GALNT16: variants seen among roughly 807,000 people sequenced by gnomAD.
GALNT16 encodes the protein polypeptide N-acetylgalactosaminyltransferase 16, also known as UDP-GalNAc:polypeptide N-acetylgalactosaminyltransferase-like protein 1.
Under a neutral mutation model 76.1 loss-of-function variants are expected in GALNT16, and 40 were observed. The ratio of observed to expected loss-of-function variants is 0.53; its 90% CI spans 0.41 to 0.68. The LOEUF (loss-of-function observed/expected upper bound fraction) is 0.68, where lower values mean the gene tolerates loss of function less well. Ranked by LOEUF, GALNT16 falls within the 30% of genes least tolerant of loss-of-function variation. The pLI, the probability that GALNT16 is intolerant of heterozygous loss-of-function variation, is 0.00. For missense variants in GALNT16, 621 were observed against 731.9 expected, an observed-to-expected ratio of 0.85 and a Z score of 1.75; for synonymous variants, 276 against 285.2, an observed-to-expected ratio of 0.97 and a Z score of 0.32.
chr14:69,346,934 G>A (rs903978930), intron 12 of GALNT16, 106 bp from the exon 13 acceptor site: 20 of 1,403,368 alleles, frequency 1.4e-5, no homozygotes, highest in Admixed American at 6.8e-5. Context: ...CCCTTCCCAC[G>A]GAGACCTCGG....
At chr14:69,271,314 A>G (rs1458261217) in intron 1 of GALNT16, among the ~76,000 whole-genome samples, 1 of 152,098 alleles carries the variant, frequency 6.6e-6, no homozygotes. Context: ...CTAGCTCAAG[A>G]CCTATGGAAC....
At chr14:69,355,472 A>G (rs529122277), downstream of GALNT16, 2 of 150,600 alleles carry the variant, frequency 1.3e-5, no homozygotes, top group African/African-American at 4.9e-5. Context: ...CTCTCCATCT[A>G]TTTTCACCCT....
At chr14:69,292,320 T>C (rs1465218194) in intron 1 of GALNT16, among the ~76,000 whole-genome samples, 2 of 152,214 alleles carry the variant, frequency 1.3e-5, no homozygotes, top group African/African-American at 4.8e-5. Context: ...GACCACATCT[T>C]TGTTTCCCAT....
chr14:69,326,818 T>C (rs759652489), intron 5 of GALNT16, among the ~76,000 whole-genome samples: 5 of 152,176 alleles, frequency 3.3e-5, no homozygotes, highest in Non-Finnish European at 5.9e-5. Context: ...ACAAGGGAAC[T>C]GGGGTTTAAG....
chr14:69,306,396 A>G (rs1037688887), intron 1 of GALNT16, among the ~76,000 whole-genome samples: 16 of 152,016 alleles, frequency 1.1e-4, no homozygotes, highest in Admixed American at 9.8e-4. Context: ...TTTACTTTTG[A>G]TCATACTGTT....
the GALNT16 span, among the ~76,000 whole-genome samples, chr14:69,366,844 C>T: frequency 6.6e-6 from 1 of 152,174 alleles, no homozygotes; most frequent in South Asian, 2.1e-4. Context: ...ATATGTAGTT[C>T]ACTCTTCAAA....
In GALNT16 at chr14:69,283,150, G is replaced by A. The variant is rs951587954; in HGVS notation, c.177+22683G>A. ...AAGTGATCTCACCTTTCTCAGACTCGGTTTCTTCATCAATAAAATGAGCAT... is the reference window on the plus strand; with the variant it reads ...AAGTGATCTCACCTTTCTCAGACTCAGTTTCTTCATCAATAAAATGAGCAT... On this transcript the variant is annotated intron_variant, in intron 1 of 14. Transcript: ENST00000448469. Among the ~76,000 whole-genome samples the A allele has an allele frequency of 3.9e-5, 6 of 152,088 alleles. No individual in the cohort carries two copies. In the South Asian group the frequency reaches 6.2e-4, roughly 16 times the overall value.
At chr14:69,309,508 T>C (rs2140149083) in intron 1 of GALNT16, among the ~76,000 whole-genome samples, 1 of 152,204 alleles carries the variant, frequency 6.6e-6, no homozygotes, top group East Asian at 1.9e-4. Context: ...GATGAGGTCT[T>C]GCTGTGTTGC....
intron 1 of GALNT16, among the ~76,000 whole-genome samples, chr14:69,292,721 C>T (rs2044702817): frequency 6.6e-6 from 1 of 152,232 alleles, no homozygotes; most frequent in African/African-American, 2.4e-5. Context: ...TAAAGCACCT[C>T]ATCTTTTTCT....
chr14:69,382,669 C>CA, the GALNT16 span, among the ~76,000 whole-genome samples: 6,342 of 139,354 alleles, frequency 0.046, 450 homozygotes, highest in African/African-American at 0.16. Context: ...CCGTCTCCAC[C>CA]AAAAAAAAAA....
chr14:69,340,487 T>A (rs1594864122), intron 11 of GALNT16, among the ~76,000 whole-genome samples: 1 of 36,578 alleles, frequency 2.7e-5, no homozygotes, highest in South Asian at 5.1e-4. Context: ...CCTTGTGGAA[T>A]TTTTTTTTTT....
chr14:69,277,575 A>G (rs1465980808), intron 1 of GALNT16, among the ~76,000 whole-genome samples: 4 of 152,228 alleles, frequency 2.6e-5, no homozygotes, highest in Non-Finnish European at 5.9e-5. Context: ...ATGGCTGCAT[A>G]GTATTCCATG....
chr14:69,346,891 C>T, intron 12 of GALNT16, 149 bp from the exon 13 acceptor site: 1 of 861,254 alleles, frequency 1.2e-6, no homozygotes, highest in Non-Finnish European at 1.9e-6. Context: ...TCCTGCTCCT[C>T]ACCTCCCCCT....
intron 2 of GALNT16, 130 bp downstream of exon 2, chr14:69,320,998 T>TG: frequency 1.0e-6 from 1 of 967,276 alleles, no homozygotes; most frequent in Non-Finnish European, 1.5e-6. Flanking sequence ...GATTTAGACA[T>TG]TCAAAAACCC....
intron 1 of GALNT16, among the ~76,000 whole-genome samples, chr14:69,314,509 A>C (rs1408310228): frequency 6.6e-6 from 1 of 152,206 alleles, no homozygotes; most frequent in Non-Finnish European, 1.5e-5. Context: ...CCTGTACCCA[A>C]CCTGAGGTTC....
the GALNT16 span, among the ~76,000 whole-genome samples, chr14:69,383,317 G>A: frequency 6.6e-6 from 1 of 152,072 alleles, no homozygotes; most frequent in African/African-American, 2.4e-5. Flanking sequence ...TTCCACCTAC[G>A]CTGTTTAAAA....
the GALNT16 span, among the ~76,000 whole-genome samples, chr14:69,385,235 T>C: frequency 9.8e-4 from 150 of 152,304 alleles, no homozygotes; most frequent in African/African-American, 3.4e-3. Flanking sequence ...AATCCCATGA[T>C]CACAATGACT....
chr14:69,324,831 A>G, intron 3 of GALNT16, 41 bp downstream of exon 3: 2 of 1,350,690 alleles, frequency 1.5e-6, no homozygotes, highest in South Asian at 2.7e-5. Flanking sequence ...TGGTGCTGGC[A>G]GGGGAGGACA....
chr14:69,327,358 G>A (rs749730406), intron 5 of GALNT16, among the ~76,000 whole-genome samples: 14 of 151,786 alleles, frequency 9.2e-5, no homozygotes, highest in Middle Eastern at 3.4e-3. Context: ...ACTCAGTTTC[G>A]AAAAAAAGAA....
Sources: gnomAD v4.1 joint callset for allele counts (sites outside exome capture counted in the v4.1 genomes callset) on GRCh38, gnomAD v4.1.1 for gene constraint, MANE v1.5 for transcripts, NCBI Gene and HGNC (gene_info 2026-07-23, HGNC 2026-07-21) for gene names.